The following ANKRD12 variants were observed in gnomAD, a reference collection of about 807,000 sequenced individuals.
The protein encoded by ANKRD12 is ankyrin repeat domain-containing protein 12.
Under a neutral mutation model 183.4 loss-of-function variants are expected in ANKRD12, and 85 were observed. The ratio of observed to expected loss-of-function variants is 0.46; its 90% CI spans 0.39 to 0.56. The LOEUF is 0.56. Among genes scored for constraint, ANKRD12 ranks in the 20% least tolerant of loss-of-function variants. The probability of loss-of-function intolerance (pLI) is 0.00; values close to 1 mark genes in which losing one functional copy is unlikely to be tolerated. For missense variants in ANKRD12, 2,405 were observed against 2,357.1 expected (o/e 1.02, Z -0.42); for synonymous variants, 914 against 800.2 (o/e 1.14, Z -2.40).
intron 10 of ANKRD12, among the ~76,000 whole-genome samples, chr18:9,270,588 G>T (rs943328390): frequency 6.6e-6 from 1 of 152,150 alleles, no homozygotes; most frequent in Non-Finnish European, 1.5e-5. Flanking sequence ...ACACAGGAAG[G>T]GGAATGTCAC....
At chr18:9,193,312 A>C (rs1842649136) in intron 2 of ANKRD12, among the ~76,000 whole-genome samples, 1 of 151,402 alleles carries the variant, frequency 6.6e-6, no homozygotes, top group African/African-American at 2.4e-5. Context: ...CTAATTTTTA[A>C]ATTTTTTTAC....
At chr18:9,176,177 A>C (rs2033250500) in intron 1 of ANKRD12, among the ~76,000 whole-genome samples, 1 of 152,238 alleles carries the variant, frequency 6.6e-6, no homozygotes, top group Non-Finnish European at 1.5e-5. Context: ...AGTCACAGAT[A>C]GGTGAACATT....
intron 9 of ANKRD12, among the ~76,000 whole-genome samples, chr18:9,261,874 A>G (rs534371236): frequency 1.3e-5 from 2 of 152,338 alleles, no homozygotes; most frequent in South Asian, 2.1e-4. Context: ...AGTGTCAGAC[A>G]GTAGATATCC....
chr18:9,207,473 A>T (rs1422111219), intron 4 of ANKRD12, among the ~76,000 whole-genome samples: 3 of 152,106 alleles, frequency 2.0e-5, no homozygotes, highest in African/African-American at 7.2e-5. Context: ...TCTCAGCCAT[A>T]AAGGTGACAG....
At chr18:9,251,106 T>TAA (rs1171547188) in intron 8 of ANKRD12, among the ~76,000 whole-genome samples, 3 of 152,218 alleles carry the variant, frequency 2.0e-5, no homozygotes, top group African/African-American at 2.4e-5. Context: ...TCAGATGTTT[T>TAA]AAAATCATCT....
intron 1 of ANKRD12, chr18:9,137,525 C>T (rs1015527912): frequency 2.0e-4 from 29 of 148,336 alleles, no homozygotes; most frequent in African/African-American, 6.1e-4. Context: ...TTCCCGCCGC[C>T]AGCCGCCGAG....
rs541699741 is a variant in ANKRD12 at position 9,214,743 on chromosome 18, C to T, written c.653-2015C>T. ...TGGTTACCTGCCATTTGAAGATGAA[C>T]GAATCCAGCATAAGGACCAGTGGAA... is the stretch of plus-strand genomic sequence containing the variant. On this transcript the variant is annotated intron_variant, in intron 6 of 12. Coordinates refer to ENST00000262126, the MANE Select transcript of ANKRD12 (RefSeq NM_015208.5). Among the ~76,000 whole-genome samples the T allele has an allele frequency of 7.9e-5, 12 of 152,084 alleles. No individual in the cohort carries two copies. In the South Asian group the frequency reaches 2.1e-3, roughly 26 times the overall value.
At chr18:9,161,927 A>G (rs867079075) in intron 1 of ANKRD12, among the ~76,000 whole-genome samples, 1 of 151,984 alleles carries the variant, frequency 6.6e-6, no homozygotes, top group African/African-American at 2.4e-5. Context: ...CAGTGACACA[A>G]TCATAGCTCA....
At chr18:9,195,473 A>C (rs1253050300) in intron 2 of ANKRD12, 78 bp from the exon 3 acceptor site, 2 of 1,091,672 alleles carry the variant, frequency 1.8e-6, no homozygotes, top group Non-Finnish European at 2.5e-6. Context: ...TGTATGTTTG[A>C]AATTTTCCTT....
intron 8 of ANKRD12, among the ~76,000 whole-genome samples, chr18:9,234,392 G>GT (rs1453839099): frequency 6.6e-6 from 1 of 152,202 alleles, no homozygotes; most frequent in Non-Finnish European, 1.5e-5. Context: ...TGTGCTGCTG[G>GT]TGGTGGGGTC....
intron 1 of ANKRD12, among the ~76,000 whole-genome samples, chr18:9,165,579 A>C (rs1399793173): frequency 6.6e-6 from 1 of 152,102 alleles, no homozygotes; most frequent in Non-Finnish European, 1.5e-5. Context: ...TATTCTAAGT[A>C]CTTCACACAA....
At position 9,256,892 on chromosome 18, in the gene ANKRD12, G is replaced by A; in HGVS notation, c.3625G>A (p.Val1209Ile). 1 of 1,613,970 alleles carries A rather than the reference G, an allele frequency of 6.2e-7. No individual in the cohort carries two copies. The highest frequency in any genetic ancestry group is 2.2e-5 in the East Asian group (1 of 44,884). ...LSSRSVSMIS[V>I]ASSEDSCHTT... ...CTCCAGATCTGTATCCATGATTTCT[G>A]TTGCTAGTTCAGAAGATTCCTGCCA... is the stretch of plus-strand genomic sequence containing the variant. Residue 1209 changes from valine (V) to isoleucine (I), a missense_variant, in exon 9 of 13, where the codon GTT (valine) becomes ATT (isoleucine). This residue lies in a region of ANKRD12 where 1,983 missense variants were observed against 1,725.9 expected (regional missense o/e 1.15). Transcript: ENST00000262126.
At chr18:9,173,858 GT>G (rs2032997114) in intron 1 of ANKRD12, among the ~76,000 whole-genome samples, 2 of 152,304 alleles carry the variant, frequency 1.3e-5, no homozygotes. Context: ...TGAGTCATTC[GT>G]GTACCCTAAA....
In ANKRD12 at chr18:9,157,151, A is replaced by G. The variant is rs537141519; in HGVS notation, c.-52+20186A>G. 2.0e-5 allele frequency among the ~76,000 whole-genome samples: 3 copies of G among 152,358 alleles called. No individual in the cohort carries two copies. The South Asian group carries it at 6.2e-4, about 32-fold the overall frequency. Reference sequence around the variant, plus strand: ...TTACATCCCAACTAAACAATAGTTGAAAATACTATTAAGTTAAAAATGCAT... The same window carrying G: ...TTACATCCCAACTAAACAATAGTTGGAAATACTATTAAGTTAAAAATGCAT... On this transcript the variant is annotated intron_variant, in intron 1 of 12. Transcript: ENST00000262126.
At position 9,143,708 on chromosome 18, in the gene ANKRD12, C is replaced by G. The variant is rs141349736; in HGVS notation, c.-52+6743C>G. On this transcript the variant is annotated intron_variant, in intron 1 of 12. Coordinates refer to ENST00000262126, the MANE Select transcript of ANKRD12 (RefSeq NM_015208.5). ...AACTCCTGACCTCGTGATCCACCCA[C>G]CTTGGCCTCCCAAAGTGCTGGGATT... 7.2e-5 allele frequency among the ~76,000 whole-genome samples: 11 copies of G among 152,320 alleles called. No homozygotes were observed. The East Asian group carries it at 1.9e-3, about 27-fold the overall frequency.
chr18:9,173,853 C>T (rs547630591), intron 1 of ANKRD12, among the ~76,000 whole-genome samples: 33 of 152,304 alleles, frequency 2.2e-4, no homozygotes, highest in African/African-American at 7.9e-4. Context: ...AAGGCTGAGT[C>T]ATTCGTGTAC....
chr18:9,203,724 C>T (rs2035317576), intron 3 of ANKRD12, among the ~76,000 whole-genome samples: 1 of 152,124 alleles, frequency 6.6e-6, no homozygotes, highest in Non-Finnish European at 1.5e-5. Flanking sequence ...CTGGCCTCAG[C>T]CTCCCAAGTA....
chr18:9,148,038 G>A (rs2078551216), intron 1 of ANKRD12, among the ~76,000 whole-genome samples: 2 of 152,144 alleles, frequency 1.3e-5, no homozygotes, highest in African/African-American at 4.8e-5. Flanking sequence ...GAATACAGTG[G>A]CTATTAGATT....
At chr18:9,216,649 C>T in intron 6 of ANKRD12, 109 bp from the exon 7 acceptor site, 3 of 1,064,548 alleles carry the variant, frequency 2.8e-6, no homozygotes, top group South Asian at 1.8e-5. Flanking sequence ...TTTTTTTTTG[C>T]ACGATGTGCA....
Sources: allele counts gnomAD v4.1 joint callset (sites outside exome capture counted in the v4.1 genomes callset), GRCh38; gene constraint gnomAD v4.1.1; regional missense constraint gnomAD v4.1.1; transcripts MANE v1.5; gene names NCBI Gene and HGNC (gene_info 2026-07-23, HGNC 2026-07-21).